Variants in PDZRN4 observed in about 807,000 individuals in gnomAD.
PDZRN4 encodes the protein PDZ domain-containing RING finger protein 4.
Under a neutral mutation model 99.0 loss-of-function variants are expected in PDZRN4, and 70 were observed. The ratio of observed to expected loss-of-function variants is 0.71; its 90% confidence interval spans 0.58 to 0.86. The LOEUF is 0.86. Ranked by LOEUF, PDZRN4 falls within the 40% of genes least tolerant of loss-of-function variation. The pLI is 0.00. For synonymous variants in PDZRN4, 551 were observed against 501.6 expected, an observed-to-expected ratio of 1.10 and a Z score of -1.32; for missense variants, 1,474 against 1,331.2, an observed-to-expected ratio of 1.11 and a Z score of -1.67.
chr12:41,402,233 ATACATATATATATACACACACTGAG>A (rs1172812909), intron 3 of PDZRN4, among the ~76,000 whole-genome samples: 15 of 42,202 alleles, frequency 3.6e-4, no homozygotes, highest in South Asian at 8.2e-4. Context: ...CACACTGAGT[ATACATATATATATACACACACTGAG>A]TATATATATA....
chr12:41,278,191 AGG>A (rs1221216946), intron 3 of PDZRN4, among the ~76,000 whole-genome samples: 2 of 152,212 alleles, frequency 1.3e-5, no homozygotes, highest in Non-Finnish European at 2.9e-5. Flanking sequence ...AGACTGAAAG[AGG>A]AGGCTTTTTA....
At chr12:41,522,139 A>G (rs1175594658) in intron 5 of PDZRN4, among the ~76,000 whole-genome samples, 1 of 152,162 alleles carries the variant, frequency 6.6e-6, no homozygotes, top group Non-Finnish European at 1.5e-5. Context: ...AATATGCTTT[A>G]AGAGCATGTG....
At chr12:41,361,792 C>T (rs566373019) in intron 3 of PDZRN4, among the ~76,000 whole-genome samples, 9 of 151,888 alleles carry the variant, frequency 5.9e-5, no homozygotes, top group Non-Finnish European at 1.3e-4. Context: ...ATTAGTGTGA[C>T]GGGGTGAAAG....
chr12:41,494,831 T>C (rs557347192), intron 3 of PDZRN4, among the ~76,000 whole-genome samples: 2 of 152,244 alleles, frequency 1.3e-5, no homozygotes, highest in South Asian at 4.1e-4. Context: ...AATGGCAGAA[T>C]TGATTGTTGA....
At chr12:41,491,035 G>T (rs187304832) in intron 3 of PDZRN4, among the ~76,000 whole-genome samples, 2 of 152,188 alleles carry the variant, frequency 1.3e-5, no homozygotes, top group East Asian at 3.9e-4. Context: ...GCTCTCTGAG[G>T]GTTCCCTACA....
At chr12:41,346,246 A>G (rs1013970021) in intron 3 of PDZRN4, among the ~76,000 whole-genome samples, 5 of 152,122 alleles carry the variant, frequency 3.3e-5, no homozygotes, top group Admixed American at 6.6e-5. Context: ...GCAGATCACG[A>G]GGTCAGGAGA....
chr12:41,278,935 T>G (rs1376602981), intron 3 of PDZRN4, among the ~76,000 whole-genome samples: 1 of 152,170 alleles, frequency 6.6e-6, no homozygotes, highest in Non-Finnish European at 1.5e-5. Flanking sequence ...ATCTCAGCCT[T>G]TCAGCCTTCA....
chr12:41,309,436 A>C (rs1951592087), intron 3 of PDZRN4, among the ~76,000 whole-genome samples: 1 of 152,072 alleles, frequency 6.6e-6, no homozygotes, highest in Non-Finnish European at 1.5e-5. Context: ...TTTTATAAGA[A>C]ACCCTTATAA....
chr12:41,354,720 T>C (rs766373470), intron 3 of PDZRN4, among the ~76,000 whole-genome samples: 33 of 152,160 alleles, frequency 2.2e-4, no homozygotes, highest in South Asian at 4.1e-4. Context: ...ATTATTCCTT[T>C]ATTTTACATC....
intron 5 of PDZRN4, among the ~76,000 whole-genome samples, chr12:41,515,403 A>G (rs773095806): frequency 6.6e-6 from 1 of 152,022 alleles, no homozygotes; most frequent in African/African-American, 2.4e-5. Context: ...ATAATTTTAT[A>G]TCACTTACTA....
chr12:41,246,165 A>T (rs538161236), intron 3 of PDZRN4, among the ~76,000 whole-genome samples: 3 of 152,328 alleles, frequency 2.0e-5, no homozygotes, highest in African/African-American at 7.2e-5. Context: ...ATGTCATTTG[A>T]TTACATCATT....
intron 3 of PDZRN4, among the ~76,000 whole-genome samples, chr12:41,271,423 T>G (rs1302897476): frequency 6.6e-6 from 1 of 152,286 alleles, no homozygotes; most frequent in East Asian, 1.9e-4. Flanking sequence ...ATCTTTCACA[T>G]GAAGGTAGTT....
intron 6 of PDZRN4, among the ~76,000 whole-genome samples, chr12:41,555,070 A>C (rs1261217502): frequency 1.4e-4 from 8 of 58,038 alleles, no homozygotes; most frequent in East Asian, 3.3e-4. Context: ...AAAAAAAAAA[A>C]AAAAAAAAAA....
chr12:41,533,220 G>A (rs1358507870), intron 5 of PDZRN4, among the ~76,000 whole-genome samples: 2 of 151,320 alleles, frequency 1.3e-5, no homozygotes, highest in African/African-American at 4.9e-5. Flanking sequence ...TGTCCCCCAG[G>A]CTGGAGGGCA....
At chr12:41,567,298 T>C (rs1047039805) in intron 8 of PDZRN4, among the ~76,000 whole-genome samples, 2 of 152,148 alleles carry the variant, frequency 1.3e-5, no homozygotes, top group African/African-American at 4.8e-5. Flanking sequence ...CTTGTTGACA[T>C]GGGAGCCCAC....
chr12:41,373,366 G>A lies in PDZRN4; in HGVS notation c.844-133090G>A, dbSNP rs541353755. ...CCTGGGAGCGCTACAGGAGACTGGGGCTTATTTCATCCCTACAGCTGTGAC... is the reference window on the plus strand; with the variant it reads ...CCTGGGAGCGCTACAGGAGACTGGGACTTATTTCATCCCTACAGCTGTGAC... On this transcript the variant is annotated intron_variant, in intron 3 of 9. Coordinates refer to ENST00000402685, the MANE Select transcript of PDZRN4 (RefSeq NM_001164595.2). Among the ~76,000 whole-genome samples, 57 of 152,188 alleles carry A rather than the reference G, an allele frequency of 3.7e-4. 1 individual carries two copies. In the East Asian group the frequency reaches 7.8e-3, roughly 21 times the overall value.
intron 3 of PDZRN4, among the ~76,000 whole-genome samples, chr12:41,288,814 A>C (rs898526978): frequency 2.6e-5 from 4 of 152,166 alleles, no homozygotes; most frequent in African/African-American, 9.7e-5. Context: ...GGATTTAAAG[A>C]ATTATGTTTA....
intron 5 of PDZRN4, among the ~76,000 whole-genome samples, chr12:41,542,885 A>C (rs993116193): frequency 2.0e-5 from 3 of 152,174 alleles, no homozygotes; most frequent in Non-Finnish European, 4.4e-5. Flanking sequence ...TGCTTGGGTT[A>C]AATACCAGAA....
chr12:41,398,484 A>C (rs540274259), intron 3 of PDZRN4, among the ~76,000 whole-genome samples: 1 of 152,272 alleles, frequency 6.6e-6, no homozygotes, highest in East Asian at 1.9e-4. Flanking sequence ...CTTTTCTAGA[A>C]AAATATTAGA....
Sources: gnomAD v4.1 joint callset for allele counts (sites outside exome capture counted in the v4.1 genomes callset) on GRCh38, gnomAD v4.1.1 for gene constraint, MANE v1.5 for transcripts, NCBI Gene and HGNC (gene_info 2026-07-23, HGNC 2026-07-21) for gene names.